The following AP3B1 variants were observed in gnomAD, a reference collection of about 807,000 sequenced individuals.
AP3B1 encodes the protein adaptor related protein complex 3 subunit beta 1.
A neutral mutation model predicts 132.5 loss-of-function variants in AP3B1; 61 were observed. That is an observed-to-expected ratio of 0.46 (90% confidence interval 0.37 to 0.57). The LOEUF is 0.57. Among genes scored for constraint, AP3B1 ranks in the 20% least tolerant of loss-of-function variants. The pLI is 0.00. For synonymous variants in AP3B1, 388 were observed against 438.3 expected (o/e 0.89, Z 1.43); for missense variants, 1,120 against 1,289.4 (o/e 0.87, Z 2.01).
chr5:78,257,832 T>C (rs920941468), intron 2 of AP3B1, among the ~76,000 whole-genome samples: 10 of 151,994 alleles, frequency 6.6e-5, no homozygotes, highest in African/African-American at 2.4e-4. Context: ...CACAGAGGAA[T>C]GGAACAGAAT....
chr5:78,224,662 A>C lies in AP3B1; in HGVS notation c.603+880T>G, dbSNP rs148461646. On this transcript the variant is annotated intron_variant, in intron 6 of 26. Coordinates refer to ENST00000255194, the MANE Select transcript of AP3B1 (RefSeq NM_003664.5). Reference sequence around the variant, plus strand: ...AGGCTGAAAGTAAAAGGATGGAAAAAGATATATAATGGAAACAGCAACCAT... The same window carrying C: ...AGGCTGAAAGTAAAAGGATGGAAAACGATATATAATGGAAACAGCAACCAT... 7.9e-5 allele frequency among the ~76,000 whole-genome samples: 12 copies of C among 152,192 alleles called. No individual in the cohort carries two copies. In the East Asian group the frequency reaches 2.3e-3, roughly 29 times the overall value.
chr5:78,276,493 A>G (rs1342647874), intron 1 of AP3B1, among the ~76,000 whole-genome samples: 1 of 152,198 alleles, frequency 6.6e-6, no homozygotes, highest in East Asian at 1.9e-4. Context: ...GCATTTTGGT[A>G]GACCAAGGCA....
In AP3B1 at chr5:78,294,534, C is replaced by G. The variant is rs1466754443; in HGVS notation, c.46G>C (p.Glu16Gln). 1 of 1,614,142 alleles carries G rather than the reference C, an allele frequency of 6.2e-7. No individual in the cohort carries two copies. Among genetic ancestry groups the G allele is most frequent in the African/African-American group, 1.3e-5 (1 of 74,962 alleles). Residue 16 changes from glutamate (E) to glutamine (Q), a missense_variant, in exon 1 of 27, where the codon GAG becomes CAG. This residue lies in a region of AP3B1 where 85 missense variants were observed against 79.9 expected (regional missense o/e 1.06). Coordinates refer to ENST00000255194, the MANE Select transcript of AP3B1 (RefSeq NM_003664.5). ...GCCTCCTGACCCAGCTCCGTCGCCTCCCCTCCTCCGGACTGCTCATTGTAA... is the reference window on the plus strand; with the variant it reads ...GCCTCCTGACCCAGCTCCGTCGCCTGCCCTCCTCCGGACTGCTCATTGTAA... ...FPYNEQSGGG[E>Q]ATELGQEATS...
At chr5:78,009,859 T>C (rs1001781390) in intron 26 of AP3B1, among the ~76,000 whole-genome samples, 2 of 152,210 alleles carry the variant, frequency 1.3e-5, no homozygotes, top group Non-Finnish European at 2.9e-5. Flanking sequence ...TCTTACTGAA[T>C]AAGCTAAGAA....
intron 1 of AP3B1, among the ~76,000 whole-genome samples, chr5:78,278,262 T>C (rs2112578334): frequency 6.6e-6 from 1 of 152,286 alleles, no homozygotes; most frequent in South Asian, 2.1e-4. Context: ...ATAGATAAAT[T>C]CACACAGGTA....
chr5:78,022,484 A>G (rs1472560595), intron 24 of AP3B1, among the ~76,000 whole-genome samples: 1 of 152,160 alleles, frequency 6.6e-6, no homozygotes, highest in African/African-American at 2.4e-5. Flanking sequence ...TAGTATGACC[A>G]TTCATCCCAG....
At chr5:78,138,885 G>C (rs1236006836) in intron 15 of AP3B1, among the ~76,000 whole-genome samples, 1 of 147,240 alleles carries the variant, frequency 6.8e-6, no homozygotes, top group African/African-American at 2.5e-5. Context: ...CATGAGAATT[G>C]CTTGAACCTG....
In AP3B1 at chr5:78,157,668, C is replaced by T. The variant is rs544723990; in HGVS notation, c.1364-1301G>A. ...TATTTTGATATTTTTATTAATAGGGCTTCATGGCTATTAGGAATTCCCCTG... is the reference window on the plus strand; with the variant it reads ...TATTTTGATATTTTTATTAATAGGGTTTCATGGCTATTAGGAATTCCCCTG... On this transcript the variant is annotated intron_variant, in intron 13 of 26. Transcript: ENST00000255194. Among the ~76,000 whole-genome samples the T allele has an allele frequency of 5.3e-5, 8 of 152,230 alleles. No individual in the cohort carries two copies. The South Asian group carries it at 1.0e-3, about 20-fold the overall frequency.
chr5:78,117,848 T>A (rs1209032615), intron 17 of AP3B1, among the ~76,000 whole-genome samples: 1 of 152,198 alleles, frequency 6.6e-6, no homozygotes, highest in Non-Finnish European at 1.5e-5. Flanking sequence ...AATTAAATCA[T>A]GCTTCATATA....
At chr5:78,045,380 C>CAAA (rs71608139) in intron 22 of AP3B1, among the ~76,000 whole-genome samples, 1 of 63,894 alleles carries the variant, frequency 1.6e-5, no homozygotes, top group Non-Finnish European at 3.3e-5. Context: ...GGCTCTGTCT[C>CAAA]AAAAAAAAAA....
At chr5:78,045,286 T>A (rs1748274339) in intron 22 of AP3B1, among the ~76,000 whole-genome samples, 1 of 144,908 alleles carries the variant, frequency 6.9e-6, no homozygotes, top group African/African-American at 2.6e-5. Flanking sequence ...GAGGCTGAGG[T>A]GGGAGGACTA....
chr5:78,082,414 T>G (rs1750053411), intron 22 of AP3B1, among the ~76,000 whole-genome samples: 1 of 152,088 alleles, frequency 6.6e-6, no homozygotes, highest in African/African-American at 2.4e-5. Flanking sequence ...ATTATTTCAT[T>G]TTGCCATTGG....
chr5:78,003,563 A>T (rs974634997), intron 26 of AP3B1: 4 of 330,286 alleles, frequency 1.2e-5, no homozygotes, highest in African/African-American at 8.9e-5. Flanking sequence ...AGTTTCAATG[A>T]ATTCACTCAT....
chr5:78,278,317 G>T (rs375885415), intron 1 of AP3B1, among the ~76,000 whole-genome samples: 8 of 152,228 alleles, frequency 5.3e-5, no homozygotes, highest in East Asian at 3.9e-4. Context: ...GATGAAAAGT[G>T]AAATCAATCA....
In AP3B1 at chr5:78,002,751, C is replaced by T. The variant is rs1214978590; in HGVS notation, c.*151G>A. On this transcript the variant is annotated 3_prime_UTR_variant, in exon 27 of 27. Transcript: ENST00000255194. ...GTATTGCATACATGATAGATACACA[C>T]TAGCATTCTAAAGCAGGAGACAAGA... is the stretch of plus-strand genomic sequence containing the variant. 2.2e-6 allele frequency: 2 copies of T among 897,706 alleles called. No individual in the cohort carries two copies. Among genetic ancestry groups the T allele is most frequent in the South Asian group, 1.4e-5 (1 of 73,896 alleles). The allele number at this position is 897,706 out of a possible 1,614,324, so 55.6% of individuals were successfully genotyped here. A position where few individuals can be genotyped will look rare whatever the true frequency, so the allele number is the denominator to read the frequency against.
intron 2 of AP3B1, among the ~76,000 whole-genome samples, chr5:78,266,248 T>A (rs1352598225): frequency 1.3e-5 from 2 of 152,174 alleles, no homozygotes; most frequent in Non-Finnish European, 2.9e-5. Context: ...CTGAAATTCA[T>A]ATGTATAAAA....
At chr5:78,129,033 G>T in intron 16 of AP3B1, 88 bp downstream of exon 16, 1 of 1,076,610 alleles carries the variant, frequency 9.3e-7, no homozygotes, top group Non-Finnish European at 1.3e-6. Flanking sequence ...TATTTCCTAA[G>T]AGATAAATTT....
chr5:78,248,359 G>A (rs376987328), intron 2 of AP3B1, among the ~76,000 whole-genome samples: 3 of 151,724 alleles, frequency 2.0e-5, no homozygotes, highest in East Asian at 1.9e-4. Context: ...GTGTGGTGGC[G>A]TGCACCTGTA....
At chr5:78,129,330 G>C (rs752636260) in intron 15 of AP3B1, 23 bp from the exon 16 acceptor site, 2 of 1,547,842 alleles carry the variant, frequency 1.3e-6, no homozygotes, top group Non-Finnish European at 1.8e-6. Context: ...AACAGATCAA[G>C]ATGAGAATAC....
Sources: allele counts gnomAD v4.1 joint callset (sites outside exome capture counted in the v4.1 genomes callset), GRCh38; gene constraint gnomAD v4.1.1; regional missense constraint gnomAD v4.1.1; transcripts MANE v1.5; gene names NCBI Gene and HGNC (gene_info 2026-07-23, HGNC 2026-07-21).